Variants in BTBD8 observed in about 807,000 individuals in gnomAD.
The protein encoded by BTBD8 is BTB domain containing 8, also known as BTB/POZ domain-containing protein 8.
BTBD8 carries 110 observed loss-of-function variants against 162.9 expected under a neutral mutation model. The observed-to-expected ratio is 0.68, with a 90% CI of 0.58 to 0.79. The LOEUF (loss-of-function observed/expected upper bound fraction) is 0.79, where lower values mean the gene tolerates loss of function less well. BTBD8 is among the 30% of genes least tolerant of loss of function. The pLI is 0.00. For synonymous variants in BTBD8, 667 were observed against 716.1 expected (o/e 0.93, Z 1.10); for missense variants, 1,905 against 2,085.4 (o/e 0.91, Z 1.68).
At chr1:92,161,452 C>T (rs1458739618) in intron 9 of BTBD8, among the ~76,000 whole-genome samples, 1 of 152,172 alleles carries the variant, frequency 6.6e-6, no homozygotes, top group African/African-American at 2.4e-5. Context: ...CCTTCTTTGT[C>T]ACCAAGTCAA....
At chr1:92,104,717 T>C (rs1648679567) in intron 3 of BTBD8, among the ~76,000 whole-genome samples, 1 of 152,214 alleles carries the variant, frequency 6.6e-6, no homozygotes, top group Non-Finnish European at 1.5e-5. Flanking sequence ...CTACATCTTA[T>C]AAACCTTTTT....
At chr1:92,145,935 C>T (rs1412427616) in intron 7 of BTBD8, among the ~76,000 whole-genome samples, 5 of 151,718 alleles carry the variant, frequency 3.3e-5, no homozygotes, top group South Asian at 2.1e-4. Flanking sequence ...GAGCTGAGAT[C>T]GCACCACTGC....
intron 2 of BTBD8, among the ~76,000 whole-genome samples, chr1:92,090,913 C>T (rs1448934870): frequency 1.3e-5 from 2 of 151,998 alleles, no homozygotes; most frequent in Admixed American, 6.6e-5. Flanking sequence ...GCTTGGATGA[C>T]GGAGCAAGAC....
At position 92,163,354 on chromosome 1, in the gene BTBD8, C is replaced by CAA. The variant is rs34760395; in HGVS notation, c.1123-3576_1123-3575dup. 9.3e-4 allele frequency among the ~76,000 whole-genome samples: 19 copies of CAA among 20,410 alleles called. 5 individuals are homozygous for CAA. The highest frequency in any genetic ancestry group is 2.6e-3 in the African/African-American group (13 of 5,092). The allele number at this position is 20,410 out of a possible 152,430, so 13.4% of individuals were successfully genotyped here. On this transcript the variant is annotated intron_variant, in intron 9 of 17. Coordinates refer to ENST00000636805, the MANE Select transcript of BTBD8 (RefSeq NM_001376131.1). ...TGGGCAACAGAGAGAGATTCTGTCT[C>CAA]AAAAAAAAAAAAAAAAAAAAAAAAA...
intron 14 of BTBD8, 71 bp from the exon 15 acceptor site, chr1:92,177,739 AC>A: frequency 2.1e-6 from 2 of 967,490 alleles, no homozygotes; most frequent in South Asian, 2.9e-5. Context: ...ATAGTGTCTA[AC>A]CAGTAAACTT....
chr1:92,085,092 A>G (rs773507402), intron 1 of BTBD8, among the ~76,000 whole-genome samples: 1 of 152,072 alleles, frequency 6.6e-6, no homozygotes, highest in Non-Finnish European at 1.5e-5. Context: ...TATATCACAC[A>G]CTTTAATTTT....
chr1:92,177,583 C>A, intron 14 of BTBD8, 37 bp downstream of exon 14: 1 of 1,355,342 alleles, frequency 7.4e-7, no homozygotes, highest in Non-Finnish European at 9.9e-7. Context: ...TATCTCCTGA[C>A]AGTTAAATTT....
At chr1:92,175,412 G>A (rs566758868) in intron 13 of BTBD8, among the ~76,000 whole-genome samples, 69 of 136,134 alleles carry the variant, frequency 5.1e-4, no homozygotes, top group South Asian at 1.5e-3. Flanking sequence ...CTGGGAGGCG[G>A]AGGTTGCAGT....
intron 1 of BTBD8, among the ~76,000 whole-genome samples, chr1:92,082,215 G>GT (rs149386771): frequency 2.6e-4 from 40 of 151,294 alleles, no homozygotes; most frequent in South Asian, 6.3e-4. Flanking sequence ...ATGTAGCAAG[G>GT]TTTTTTTTTA....
In BTBD8 at chr1:92,129,724, A is replaced by T; in HGVS notation, c.700A>T (p.Met234Leu). ...TGCCAGATCTAGTTATTTTGCTGCA[A>T]TGCTGAGTGGCTGTTGGGCTGAAAG... ...LSARSSYFAA[M>L]LSGCWAESSQ... Residue 234 changes from methionine (M) to leucine (L), a missense_variant, in exon 5 of 18, where the codon ATG (methionine) becomes TTG (leucine). By Grantham distance (15) the Met-to-Leu change is conservative (BLOSUM62 2). This residue lies in a region of BTBD8 where 1,374 missense variants were observed against 1,442.7 expected (regional missense o/e 0.95). Coordinates refer to ENST00000636805, the MANE Select transcript of BTBD8 (RefSeq NM_001376131.1). 6.2e-7 allele frequency: 1 copy of T among 1,614,094 alleles called. No homozygotes were observed. The highest frequency in any genetic ancestry group is 8.5e-7 in the Non-Finnish European group (1 of 1,180,006).
chr1:92,120,275 T>C (rs1649173586), intron 4 of BTBD8, among the ~76,000 whole-genome samples: 1 of 152,212 alleles, frequency 6.6e-6, no homozygotes, highest in South Asian at 2.1e-4. Flanking sequence ...CATTACTTAC[T>C]AGGCCTACAC....
chr1:92,174,262 C>T (rs1650638122), intron 13 of BTBD8, among the ~76,000 whole-genome samples: 2 of 152,122 alleles, frequency 1.3e-5, no homozygotes, highest in Non-Finnish European at 2.9e-5. Context: ...ACAATCACAA[C>T]TCACTGCAGC....
chr1:92,157,977 T>C (rs1650198802), intron 9 of BTBD8, among the ~76,000 whole-genome samples: 1 of 152,250 alleles, frequency 6.6e-6, no homozygotes, highest in South Asian at 2.1e-4. Context: ...TGGCATATTC[T>C]TTTATCATTA....
At chr1:92,092,690 C>G (rs1024903701) in intron 2 of BTBD8, among the ~76,000 whole-genome samples, 1 of 152,206 alleles carries the variant, frequency 6.6e-6, no homozygotes, top group Admixed American at 6.5e-5. Context: ...GTTTGTATGT[C>G]TGACCTTAAT....
chr1:92,148,674 A>C (rs1489035314), intron 9 of BTBD8, among the ~76,000 whole-genome samples: 1 of 152,158 alleles, frequency 6.6e-6, no homozygotes, highest in African/African-American at 2.4e-5. Context: ...TCAGTAGCAA[A>C]ATTTTTGCTT....
intron 1 of BTBD8, among the ~76,000 whole-genome samples, chr1:92,088,301 A>T (rs922085041): frequency 6.6e-6 from 1 of 152,326 alleles, no homozygotes; most frequent in African/African-American, 2.4e-5. Context: ...GTAAGATTTT[A>T]AAAAATTGAT....
intron 6 of BTBD8, chr1:92,139,963 A>C (rs1197523341): frequency 7.1e-6 from 1 of 141,140 alleles, no homozygotes; most frequent in African/African-American, 2.8e-5. Context: ...AAAAAAAAAA[A>C]GCTGGGCATG....
intron 4 of BTBD8, among the ~76,000 whole-genome samples, chr1:92,109,234 G>C (rs1648824248): frequency 1.3e-5 from 2 of 149,248 alleles, no homozygotes; most frequent in Admixed American, 6.7e-5. Context: ...GTAGGTGTGT[G>C]TCTCTCTGTC....
chr1:92,129,313 T>G (rs1459592285), intron 4 of BTBD8, among the ~76,000 whole-genome samples: 2 of 152,078 alleles, frequency 1.3e-5, no homozygotes, highest in East Asian at 3.9e-4. Context: ...TGAGACCCCA[T>G]TTCTACAAAA....
Sources: gnomAD v4.1 joint callset for allele counts (sites outside exome capture counted in the v4.1 genomes callset) on GRCh38, gnomAD v4.1.1 for gene constraint, gnomAD v4.1.1 regional missense constraint, MANE v1.5 for transcripts, NCBI Gene and HGNC (gene_info 2026-07-23, HGNC 2026-07-21) for gene names.